The following ATP13A4 variants were observed in gnomAD, a reference collection of about 807,000 sequenced individuals.
ATP13A4 encodes ATPase 13A4, also known as probable cation-transporting ATPase 13A4.
In ATP13A4, 114 loss-of-function variants were observed where a neutral mutation model predicts 142.5. The ratio of observed to expected loss-of-function variants is 0.80; its 90% CI spans 0.69 to 0.93. The LOEUF (loss-of-function observed/expected upper bound fraction) is 0.93. Among genes scored for constraint, ATP13A4 ranks in the 40% least tolerant of loss-of-function variants. The pLI, the probability that ATP13A4 is intolerant of heterozygous loss-of-function variation, is 0.00. For missense variants in ATP13A4, 1,392 were observed against 1,454.0 expected (o/e 0.96, Z 0.69); for synonymous variants, 488 against 514.8 (o/e 0.95, Z 0.70).
intron 1 of ATP13A4, among the ~76,000 whole-genome samples, chr3:193,536,973 G>A (rs954962302): frequency 6.6e-6 from 1 of 152,002 alleles, no homozygotes. Flanking sequence ...TAAGCAAACA[G>A]AGAGAGACAC....
At chr3:193,547,206 C>T (rs2108724433) in intron 1 of ATP13A4, among the ~76,000 whole-genome samples, 1 of 152,258 alleles carries the variant, frequency 6.6e-6, no homozygotes, top group South Asian at 2.1e-4. Context: ...TAGTTTAGTC[C>T]TATTCCTCTC....
At chr3:193,466,455 T>C (rs1160754264) in intron 10 of ATP13A4, among the ~76,000 whole-genome samples, 1 of 152,260 alleles carries the variant, frequency 6.6e-6, no homozygotes, top group Admixed American at 6.5e-5. Flanking sequence ...CAGCACAGCT[T>C]TGCCAAATAG....
intron 5 of ATP13A4, among the ~76,000 whole-genome samples, chr3:193,491,701 G>C (rs1037516833): frequency 6.6e-6 from 1 of 152,074 alleles, no homozygotes; most frequent in Non-Finnish European, 1.5e-5. Flanking sequence ...GTACTTTCAG[G>C]ATTGGCATGT....
At chr3:193,427,234 C>A (rs1715714593) in intron 25 of ATP13A4, among the ~76,000 whole-genome samples, 2 of 151,966 alleles carry the variant, frequency 1.3e-5, no homozygotes. Context: ...ACCTAGGAAT[C>A]CAACTTACAA....
chr3:193,554,722 A>C lies in ATP13A4; in HGVS notation c.60+18T>G, dbSNP rs757491923. ...TGAGAAGTGGGATGGGAAGAAGGGAATGTGGCTAGAATCTTACCATCTCAT... is the reference window on the plus strand; with the variant it reads ...TGAGAAGTGGGATGGGAAGAAGGGACTGTGGCTAGAATCTTACCATCTCAT... On this transcript the variant is annotated intron_variant, in intron 1 of 29. Transcript: ENST00000342695. The C allele has an allele frequency of 5.6e-6, 9 of 1,612,216 alleles. No homozygotes were observed. The South Asian group carries it at 9.9e-5, about 18-fold the overall frequency.
At chr3:193,494,743 A>C (rs886469186) in intron 3 of ATP13A4, among the ~76,000 whole-genome samples, 1 of 152,030 alleles carries the variant, frequency 6.6e-6, no homozygotes, top group African/African-American at 2.4e-5. Context: ...ATCCAAAATT[A>C]ATAGAAAGAA....
intron 8 of ATP13A4, among the ~76,000 whole-genome samples, chr3:193,481,061 G>A (rs1719263673): frequency 6.6e-6 from 1 of 152,188 alleles, no homozygotes; most frequent in African/African-American, 2.4e-5. Flanking sequence ...ACTCATAAGT[G>A]GGAGCTAAGC....
At chr3:193,413,037 C>T (rs907576237) in intron 26 of ATP13A4, among the ~76,000 whole-genome samples, 13 of 152,266 alleles carry the variant, frequency 8.5e-5, no homozygotes, top group Middle Eastern at 3.4e-3. Flanking sequence ...ACAGCAACAA[C>T]GACAACTGTT....
chr3:193,547,794 G>A (rs1421224830), intron 1 of ATP13A4, among the ~76,000 whole-genome samples: 1 of 152,162 alleles, frequency 6.6e-6, no homozygotes, highest in Non-Finnish European at 1.5e-5. Context: ...CCTACACTTG[G>A]CTTAATGCTC....
chr3:193,404,040 G>A (rs1021889272), intron 29 of ATP13A4: 22 of 985,172 alleles, frequency 2.2e-5, no homozygotes, highest in Non-Finnish European at 2.7e-5. Context: ...CTGGCTGCGG[G>A]GCTGTTAAAG....
chr3:193,475,455 A>T (rs1334073476), intron 8 of ATP13A4, among the ~76,000 whole-genome samples: 1 of 151,924 alleles, frequency 6.6e-6, no homozygotes, highest in Non-Finnish European at 1.5e-5. Context: ...ATTAATATAT[A>T]TTGTATTTTG....
chr3:193,577,730 G>A (rs1724427590), intron 2 of ATP13A4, among the ~76,000 whole-genome samples: 1 of 152,146 alleles, frequency 6.6e-6, no homozygotes, highest in African/African-American at 2.4e-5. Flanking sequence ...AGTCATTCTG[G>A]AGACTTCTTT....
At chr3:193,577,656 AT>A (rs2108744615) in intron 2 of ATP13A4, among the ~76,000 whole-genome samples, 1 of 152,338 alleles carries the variant, frequency 6.6e-6, no homozygotes, top group Admixed American at 6.5e-5. Flanking sequence ...ACACTGTGCT[AT>A]AGTGGAACTG....
rs190863306 is a variant in ATP13A4 at position 193,418,177 on chromosome 3, C to A, written c.2843-3427G>T. Among the ~76,000 whole-genome samples, 370 of 119,958 alleles carry A rather than the reference C, an allele frequency of 3.1e-3. 9 individuals carry two copies. Among genetic ancestry groups the A allele is most frequent in the African/African-American group, 0.012 (354 of 29,206 alleles). The allele number at this position is 119,958 out of a possible 152,430, so 78.7% of individuals were successfully genotyped here. On this transcript the variant is annotated intron_variant, in intron 25 of 29. Coordinates refer to ENST00000342695, the MANE Select transcript of ATP13A4 (RefSeq NM_032279.4). ...AAAAAAAAAAAAAAAATTAGCCAGGCGAGGTGGCGGGCACCTGTAGTCCCA... is the reference window on the plus strand; with the variant it reads ...AAAAAAAAAAAAAAAATTAGCCAGGAGAGGTGGCGGGCACCTGTAGTCCCA...
At chr3:193,449,613 C>G (rs1331886218) in intron 17 of ATP13A4, among the ~76,000 whole-genome samples, 1 of 152,230 alleles carries the variant, frequency 6.6e-6, no homozygotes, top group Non-Finnish European at 1.5e-5. Flanking sequence ...TATCACTAAA[C>G]TCCTCACCCA....
chr3:193,415,656 C>A (rs914766552), intron 25 of ATP13A4, among the ~76,000 whole-genome samples: 3 of 152,210 alleles, frequency 2.0e-5, no homozygotes, highest in African/African-American at 7.2e-5. Context: ...TGCAGGCACT[C>A]ATCTCTGTTC....
chr3:193,542,887 C>T (rs1723011242), intron 1 of ATP13A4, among the ~76,000 whole-genome samples: 1 of 152,116 alleles, frequency 6.6e-6, no homozygotes, highest in South Asian at 2.1e-4. Context: ...TAGAAGAGGC[C>T]AGGCACGGTG....
intron 2 of ATP13A4, 148 bp from the exon 3 acceptor site, chr3:193,502,787 T>C (rs1720626985): frequency 4.5e-6 from 4 of 880,228 alleles, no homozygotes; most frequent in African/African-American, 1.7e-5. Context: ...TGAAAGATGA[T>C]GGATCTAGAA....
intron 12 of ATP13A4, among the ~76,000 whole-genome samples, chr3:193,464,080 T>C (rs985985564): frequency 1.3e-5 from 2 of 152,238 alleles, no homozygotes; most frequent in African/African-American, 2.4e-5. Flanking sequence ...GTTATGTGTA[T>C]TTTACCACAT....
Sources: gnomAD v4.1 joint callset for allele counts (sites outside exome capture counted in the v4.1 genomes callset) on GRCh38, gnomAD v4.1.1 for gene constraint, MANE v1.5 for transcripts, NCBI Gene and HGNC (gene_info 2026-07-23, HGNC 2026-07-21) for gene names.